The following XRN2 variants were observed in gnomAD, a reference collection of about 807,000 sequenced individuals.
XRN2 encodes DHM1-like protein.
In XRN2, 44 loss-of-function variants were observed where a neutral mutation model predicts 138.5. The ratio of observed to expected loss-of-function variants is 0.32; its 90% CI spans 0.25 to 0.41. The LOEUF is 0.41. Ranked by LOEUF, XRN2 falls within the 10% of genes least tolerant of loss-of-function variation. The probability of loss-of-function intolerance (pLI) is 1.00; values close to 1 mark genes in which losing one functional copy is unlikely to be tolerated. For missense variants in XRN2, 937 were observed against 1,169.3 expected (o/e 0.80, Z 2.90); for synonymous variants, 354 against 369.4 (o/e 0.96, Z 0.48).
chr20:21,348,259 C>G lies in XRN2; in HGVS notation c.1773+6C>G. 3 of 1,613,072 alleles carry G rather than the reference C, an allele frequency of 1.9e-6. No homozygotes were observed. Among genetic ancestry groups the G allele is most frequent in the Non-Finnish European group, 2.5e-6 (3 of 1,179,666 alleles). ...TTGAGAAGGGTACGAAACCGGTAAGCTTAATTACTTAAAGTCATAAAGTTT... is the reference window on the plus strand; with the variant it reads ...TTGAGAAGGGTACGAAACCGGTAAGGTTAATTACTTAAAGTCATAAAGTTT... On this transcript the variant is annotated splice_donor_region_variant and intron_variant, in intron 18 of 29. Coordinates refer to ENST00000377191, the MANE Select transcript of XRN2 (RefSeq NM_012255.5).
At chr20:21,339,191 G>T in intron 14 of XRN2, 103 bp downstream of exon 14, 1 of 1,141,178 alleles carries the variant, frequency 8.8e-7, no homozygotes, top group Non-Finnish European at 1.3e-6. Flanking sequence ...GTAGGACTTA[G>T]TCAGGGACGT....
At chr20:21,351,194 A>C (rs1174720980) in intron 20 of XRN2, among the ~76,000 whole-genome samples, 1 of 152,184 alleles carries the variant, frequency 6.6e-6, no homozygotes, top group Non-Finnish European at 1.5e-5. Context: ...TTTCAATATA[A>C]CTTAACTCTA....
chr20:21,305,022 T>G (rs2037796227), intron 1 of XRN2, among the ~76,000 whole-genome samples: 1 of 152,204 alleles, frequency 6.6e-6, no homozygotes, highest in African/African-American at 2.4e-5. Context: ...CCTGGGGCTG[T>G]CTTTCTTTTT....
At chr20:21,346,690 A>C in intron 17 of XRN2, 140 bp downstream of exon 17, 1 of 987,782 alleles carries the variant, frequency 1.0e-6, no homozygotes, top group Non-Finnish European at 1.5e-6. Flanking sequence ...CGTGATCTCA[A>C]CTCACTGCGA....
chr20:21,325,249 A>G (rs2038107692), intron 1 of XRN2, among the ~76,000 whole-genome samples: 1 of 152,220 alleles, frequency 6.6e-6, no homozygotes, highest in South Asian at 2.1e-4. Context: ...TTTATTGTTA[A>G]TAGTAAAAAT....
intron 13 of XRN2, among the ~76,000 whole-genome samples, chr20:21,337,511 G>C (rs1035367829): frequency 6.6e-6 from 1 of 152,176 alleles, no homozygotes; most frequent in African/African-American, 2.4e-5. Flanking sequence ...AGTATGGAGA[G>C]GCTCTGGTTG....
intron 26 of XRN2, among the ~76,000 whole-genome samples, chr20:21,367,964 T>C (rs2038721542): frequency 6.6e-6 from 1 of 152,190 alleles, no homozygotes; most frequent in African/African-American, 2.4e-5. Flanking sequence ...TATTGTAATC[T>C]ATACTACTAG....
intron 28 of XRN2, among the ~76,000 whole-genome samples, chr20:21,383,120 G>T (rs2038902933): frequency 6.6e-6 from 1 of 152,192 alleles, no homozygotes; most frequent in South Asian, 2.1e-4. Flanking sequence ...AAGGAATCAT[G>T]TTATTCGATG....
intron 13 of XRN2, 66 bp downstream of exon 13, chr20:21,334,251 A>C: frequency 7.8e-7 from 1 of 1,286,488 alleles, no homozygotes; most frequent in Non-Finnish European, 1.1e-6. Flanking sequence ...TGATCCTGTG[A>C]TTACTTTTAA....
rs1357458054 is a variant in XRN2 at position 21,328,728 on chromosome 20, G to T, written c.427+58G>T. ...TCATAAGATGTATGCAGAATGAGGGGGTGGTGGCAACTTTTTCTTACAAAG... is the reference window on the plus strand; with the variant it reads ...TCATAAGATGTATGCAGAATGAGGGTGTGGTGGCAACTTTTTCTTACAAAG... On this transcript the variant is annotated intron_variant, in intron 4 of 29. Coordinates refer to ENST00000377191, the MANE Select transcript of XRN2 (RefSeq NM_012255.5). 5 of 1,493,004 alleles carry T rather than the reference G, an allele frequency of 3.3e-6. No individual in the cohort carries two copies. The African/African-American group carries it at 4.2e-5, about 12-fold the overall frequency. The allele number at this position is 1,493,004 out of a possible 1,614,324, so 92.5% of individuals were successfully genotyped here.
intron 14 of XRN2, among the ~76,000 whole-genome samples, chr20:21,340,377 T>C (rs1202755364): frequency 1.3e-5 from 2 of 152,212 alleles, no homozygotes; most frequent in Admixed American, 6.5e-5. Flanking sequence ...ATTATTTTGT[T>C]TTTATTAGCC....
intron 23 of XRN2, among the ~76,000 whole-genome samples, chr20:21,357,070 CAAT>C (rs1227174283): frequency 6.6e-6 from 1 of 152,058 alleles, no homozygotes; most frequent in South Asian, 2.1e-4. Context: ...AAGTATACAA[CAAT>C]GACATCGTTT....
chr20:21,320,015 T>C (rs1254555101), intron 1 of XRN2, among the ~76,000 whole-genome samples: 1 of 152,190 alleles, frequency 6.6e-6, no homozygotes, highest in Non-Finnish European at 1.5e-5. Flanking sequence ...TAGAGTCACT[T>C]GCTTTAGTAA....
rs113595584 is a variant in XRN2 at position 21,330,431 on chromosome 20, A to G, written c.428-50A>G. Reference sequence around the variant, plus strand: ...TGTTGTTCTGGCTTAATGTTGAGTAATTTATCTCACTTTTTATGGGGAGAA... The same window carrying G: ...TGTTGTTCTGGCTTAATGTTGAGTAGTTTATCTCACTTTTTATGGGGAGAA... On this transcript the variant is annotated intron_variant, in intron 4 of 29. Transcript: ENST00000377191. The G allele has an allele frequency of 1.3e-4, 207 of 1,594,802 alleles. No individual in the cohort carries two copies. In the African/African-American group the frequency reaches 2.5e-3, roughly 19 times the overall value.
At chr20:21,328,536 T>C (rs746455080) in intron 3 of XRN2, 23 bp from the exon 4 acceptor site, 85 of 1,600,416 alleles carry the variant, frequency 5.3e-5, no homozygotes, top group Non-Finnish European at 6.8e-6. Flanking sequence ...ATGAGTGTTA[T>C]GGAATATGAA....
intron 15 of XRN2, 73 bp downstream of exon 15, chr20:21,340,925 G>A (rs2038364304): frequency 3.9e-6 from 6 of 1,545,872 alleles, no homozygotes; most frequent in East Asian, 4.5e-5. Flanking sequence ...TGGTGTGTGT[G>A]TGAAATTTAT....
Position 21,363,025 on chromosome 20 carries a change from T to A in XRN2, c.2256-2396T>A, listed in dbSNP as rs143424130. 1.7e-3 allele frequency among the ~76,000 whole-genome samples: 266 copies of A among 152,284 alleles called. 2 individuals are homozygous for A. The highest frequency in any genetic ancestry group is 1.4e-3 in the Non-Finnish European group (95 of 68,026). On this transcript the variant is annotated intron_variant, in intron 24 of 29. Coordinates refer to ENST00000377191, the MANE Select transcript of XRN2 (RefSeq NM_012255.5). ...TCCATTTGTTTCCTCTGCCACCCTGTGACCAATCCTGTCTCATCTTAAACC... is the reference window on the plus strand; with the variant it reads ...TCCATTTGTTTCCTCTGCCACCCTGAGACCAATCCTGTCTCATCTTAAACC...
intron 22 of XRN2, 24 bp from the exon 23 acceptor site, chr20:21,356,562 G>T: frequency 6.2e-7 from 1 of 1,606,154 alleles, no homozygotes; most frequent in Non-Finnish European, 8.5e-7. Context: ...TTGCATATGA[G>T]ATCAGGAATG....
intron 16 of XRN2, 76 bp downstream of exon 16, chr20:21,344,284 A>G (rs2038408627): frequency 9.0e-7 from 1 of 1,105,654 alleles, no homozygotes; most frequent in Non-Finnish European, 1.4e-6. Context: ...TATTTAGCTT[A>G]GAGCAGCAGT....
Sources: allele counts gnomAD v4.1 joint callset (sites outside exome capture counted in the v4.1 genomes callset), GRCh38; gene constraint gnomAD v4.1.1; transcripts MANE v1.5; gene names NCBI Gene and HGNC (gene_info 2026-07-23, HGNC 2026-07-21).